Variants in TENM1 observed in about 807,000 individuals in gnomAD.
TENM1 encodes teneurin-1.
TENM1 carries 35 observed loss-of-function variants against 174.8 expected under a neutral mutation model. That is an observed-to-expected ratio of 0.20 (90% CI 0.15 to 0.27). The LOEUF (loss-of-function observed/expected upper bound fraction) is 0.27. Among genes scored for constraint, TENM1 ranks in the 10% least tolerant of loss-of-function variants. The pLI is 1.00. For missense variants in TENM1, 1,633 were observed against 2,130.1 expected, an observed-to-expected ratio of 0.77 and a Z score of 4.59; for synonymous variants, 781 against 798.7, an observed-to-expected ratio of 0.98 and a Z score of 0.37.
intron 5 of TENM1, among the ~76,000 whole-genome samples, chrX:124,680,201 C>G (rs1331515627): frequency 9.0e-6 from 1 of 111,062 alleles, no homozygotes; most frequent in Non-Finnish European, 1.9e-5. Flanking sequence ...TTTTGTTGCT[C>G]CACGTGTTTG....
intron 3 of TENM1, among the ~76,000 whole-genome samples, chrX:124,766,179 A>T (rs763614687): frequency 8.9e-6 from 1 of 111,817 alleles, no homozygotes; most frequent in East Asian, 2.8e-4. Context: ...TACTAAGGCC[A>T]TAGAGATTGT....
intron 3 of TENM1, among the ~76,000 whole-genome samples, chrX:124,857,197 T>C (rs1488508365): frequency 9.0e-6 from 1 of 111,244 alleles, no homozygotes; most frequent in Non-Finnish European, 1.9e-5. Flanking sequence ...ATTTATCATA[T>C]TCTCAGTAGA....
intron 23 of TENM1, among the ~76,000 whole-genome samples, chrX:124,446,086 G>A (rs2060962412): frequency 8.9e-6 from 1 of 112,481 alleles, no homozygotes; most frequent in Non-Finnish European, 1.9e-5. Flanking sequence ...GAGATGATTA[G>A]ATTTTATTAA....
chrX:124,583,248 C>T (rs1181300599), intron 11 of TENM1, among the ~76,000 whole-genome samples: 2 of 111,633 alleles, frequency 1.8e-5, no homozygotes, highest in African/African-American at 3.3e-5. Flanking sequence ...GGGTCCCTGA[C>T]CCCTGACCCC....
intron 3 of TENM1, among the ~76,000 whole-genome samples, chrX:124,888,343 G>A (rs2057422723): frequency 9.0e-6 from 1 of 111,229 alleles, no homozygotes; most frequent in Non-Finnish European, 1.9e-5. Context: ...CCGCCCAACA[G>A]TCAAGGAAAT....
chrX:125,073,712 A>G, the TENM1 span, among the ~76,000 whole-genome samples: 27 of 111,098 alleles, frequency 2.4e-4, no homozygotes, highest in African/African-American at 7.8e-4. Context: ...AGGAGGCCCT[A>G]ATGTCTGCCA....
chrX:124,414,252 C>A (rs888079375), intron 25 of TENM1, among the ~76,000 whole-genome samples: 1 of 111,529 alleles, frequency 9.0e-6, no homozygotes, highest in African/African-American at 3.3e-5. Flanking sequence ...GGGCAAGGGG[C>A]CTGACGAACC....
the TENM1 span, among the ~76,000 whole-genome samples, chrX:125,094,597 G>A: frequency 8.9e-6 from 1 of 112,034 alleles, no homozygotes; most frequent in Non-Finnish European, 1.9e-5. Flanking sequence ...CCTAGCAAGA[G>A]CAGTAGATCC....
chrX:124,807,574 A>G (rs771318470), intron 3 of TENM1, among the ~76,000 whole-genome samples: 35 of 112,079 alleles, frequency 3.1e-4, no homozygotes, highest in African/African-American at 9.7e-4. Context: ...TAAGTCACTT[A>G]TACTTTAGTA....
the TENM1 span, among the ~76,000 whole-genome samples, chrX:125,106,657 C>T: frequency 8.9e-6 from 1 of 112,022 alleles, no homozygotes; most frequent in Non-Finnish European, 1.9e-5. Flanking sequence ...GATCCACCCA[C>T]CTCAGCCTCC....
the TENM1 span, among the ~76,000 whole-genome samples, chrX:125,119,180 G>T: frequency 9.0e-6 from 1 of 111,451 alleles, no homozygotes; most frequent in Non-Finnish European, 1.9e-5. Flanking sequence ...TAAGTAGAAA[G>T]GACACTACAA....
chrX:124,870,534 C>G (rs961011725), intron 3 of TENM1, among the ~76,000 whole-genome samples: 18 of 111,580 alleles, frequency 1.6e-4, no homozygotes, highest in African/African-American at 5.2e-4. Flanking sequence ...GAGAAGCAGA[C>G]ATTTAAGCAA....
chrX:124,424,782 G>C (rs2060692331), intron 23 of TENM1, among the ~76,000 whole-genome samples: 1 of 110,376 alleles, frequency 9.1e-6, no homozygotes, highest in Non-Finnish European at 1.9e-5. Context: ...TCATGAGACG[G>C]GGTTGTTTAA....
At chrX:125,066,870 T>C in the TENM1 span, among the ~76,000 whole-genome samples, 7,687 of 111,252 alleles carry the variant, frequency 0.069, 681 homozygotes, top group African/African-American at 0.24. Flanking sequence ...TGTTGTTTGG[T>C]TGGTTTATTT....
the TENM1 span, among the ~76,000 whole-genome samples, chrX:125,068,678 C>A: frequency 9.0e-6 from 1 of 111,241 alleles, no homozygotes; most frequent in Admixed American, 9.6e-5. Flanking sequence ...ATATTAAGGA[C>A]TTGTTTTCAG....
chrX:124,673,905 G>A (rs1218429110), intron 5 of TENM1, among the ~76,000 whole-genome samples: 2 of 111,565 alleles, frequency 1.8e-5, no homozygotes, highest in Admixed American at 1.9e-4. Context: ...TAGAGTTAGA[G>A]AATTCTTTAT....
intron 11 of TENM1, among the ~76,000 whole-genome samples, chrX:124,630,750 A>ATT (rs1412837144): frequency 9.0e-6 from 1 of 111,193 alleles, no homozygotes; most frequent in Non-Finnish European, 1.9e-5. Context: ...TGGGATATAT[A>ATT]TCCAATCTGG....
chrX:124,408,669 C>CT lies in TENM1; in HGVS notation c.4983-2181dup, dbSNP rs758537877. 2.4e-4 allele frequency among the ~76,000 whole-genome samples: 26 copies of CT among 109,649 alleles called. No homozygotes were observed. In the East Asian group the frequency reaches 5.5e-3, roughly 23 times the overall value. ...TTCTTTCTTTTTTACAATAGTAAAA[C>CT]TTTTTTTTTATTATTATACTTTAAA... On this transcript the variant is annotated intron_variant, in intron 25 of 31. Transcript: ENST00000422452.
intron 18 of TENM1, among the ~76,000 whole-genome samples, chrX:124,513,557 T>C (rs2047631263): frequency 8.9e-6 from 1 of 112,204 alleles, no homozygotes; most frequent in Non-Finnish European, 1.9e-5. Flanking sequence ...CAAATAGCTA[T>C]ACTAGTATTT....
Sources: allele counts gnomAD v4.1 joint callset (sites outside exome capture counted in the v4.1 genomes callset), GRCh38; gene constraint gnomAD v4.1.1; transcripts MANE v1.5; gene names NCBI Gene and HGNC (gene_info 2026-07-23, HGNC 2026-07-21).